WDR26: variants seen among roughly 807,000 people sequenced by gnomAD.
WDR26 encodes WD repeat domain 26.
A neutral mutation model predicts 84.1 loss-of-function variants in WDR26; 5 were observed. The observed-to-expected ratio is 0.06, with a 90% CI of 0.03 to 0.13. The LOEUF is 0.13. Among genes scored for constraint, WDR26 ranks in the 10% least tolerant of loss-of-function variants. The pLI is 1.00. For missense variants in WDR26, 642 were observed against 974.9 expected, an observed-to-expected ratio of 0.66 and a Z score of 4.55; for synonymous variants, 415 against 389.6, an observed-to-expected ratio of 1.07 and a Z score of -0.77.
At chr1:224,431,294 CTAAG>C (rs1184664749) in intron 3 of WDR26, 179 bp downstream of exon 3, 1 of 526,426 alleles carries the variant, frequency 1.9e-6, no homozygotes. Context: ...GACACATTTA[CTAAG>C]TATGATTTTA....
intron 7 of WDR26, among the ~76,000 whole-genome samples, chr1:224,410,663 G>A (rs2102904444): frequency 6.6e-6 from 1 of 151,238 alleles, no homozygotes; most frequent in South Asian, 2.1e-4. Flanking sequence ...TTGTGGTTGG[G>A]ACAGAATGGA....
At chr1:224,423,780 A>G (rs1290146299) in intron 4 of WDR26, among the ~76,000 whole-genome samples, 2 of 152,204 alleles carry the variant, frequency 1.3e-5, no homozygotes, top group East Asian at 3.8e-4. Flanking sequence ...ATGCCAGTAG[A>G]TATACATATT....
chr1:224,414,169 G>A (rs905601531), intron 6 of WDR26, among the ~76,000 whole-genome samples: 4 of 149,456 alleles, frequency 2.7e-5, no homozygotes, highest in East Asian at 2.0e-4. Flanking sequence ...GCAGTGGCAC[G>A]ATCTCGGCTC....
chr1:224,399,972 T>C (rs558007117), intron 9 of WDR26, among the ~76,000 whole-genome samples: 4 of 152,140 alleles, frequency 2.6e-5, no homozygotes, highest in South Asian at 4.1e-4. Context: ...AGACCCTGTC[T>C]CTTAAAAAAC....
chr1:224,431,361 A>G (rs1674389065), intron 3 of WDR26, 116 bp downstream of exon 3: 1 of 817,236 alleles, frequency 1.2e-6, no homozygotes, highest in Non-Finnish European at 2.0e-6. Flanking sequence ...TTTACAAATT[A>G]TATGAAATTT....
intron 7 of WDR26, among the ~76,000 whole-genome samples, chr1:224,410,213 G>A (rs1181487429): frequency 2.5e-4 from 37 of 148,964 alleles, no homozygotes; most frequent in African/African-American, 9.1e-4. Context: ...CCCAGGAGGT[G>A]GAGGTTGCAG....
At chr1:224,430,973 T>G (rs1459994866) in intron 3 of WDR26, 3 of 153,998 alleles carry the variant, frequency 1.9e-5, no homozygotes, top group Non-Finnish European at 2.9e-5. Flanking sequence ...TATACAAACT[T>G]TGACACTGTC....
chr1:224,420,000 A>AG, intron 4 of WDR26, among the ~76,000 whole-genome samples: 1 of 152,350 alleles, frequency 6.6e-6, no homozygotes, highest in South Asian at 2.1e-4. Flanking sequence ...TAACTGGCCT[A>AG]GGGTTAAGAG....
Position 224,434,250 on chromosome 1 carries a change from G to A in WDR26, c.156C>T (p.Ser52=), listed in dbSNP as rs918812797. Residue 52 remains serine (S), a synonymous_variant, in exon 1 of 14, where the codon TCC becomes TCT. Coordinates refer to ENST00000414423, the MANE Select transcript of WDR26 (RefSeq NM_001379403.1). The stretch of plus-strand genomic sequence containing the variant: ...AGGACGAGGACGACGAGGACGGAGG[G>A]GAGAGGCCTGCTCTGCCTGCCGAAG... 2.5e-5 allele frequency: 34 copies of A among 1,364,752 alleles called. No individual in the cohort carries two copies. Among genetic ancestry groups the A allele is most frequent in the South Asian group, 3.9e-5 (2 of 51,870 alleles). The allele number at this position is 1,364,752 out of a possible 1,614,324, so 84.5% of individuals were successfully genotyped here. A position where few individuals can be genotyped will look rare whatever the true frequency, so the allele number is the denominator to read the frequency against.
At chr1:224,391,385 A>AAAAAAAAAAC (rs1558412387) in intron 13 of WDR26, among the ~76,000 whole-genome samples, 77 of 45,836 alleles carry the variant, frequency 1.7e-3, no homozygotes, top group Non-Finnish European at 2.2e-3. Flanking sequence ...AAAAAAAAAC[A>AAAAAAAAAAC]AAAAAAAAAC....
At chr1:224,391,099 T>A (rs181996303) in intron 13 of WDR26, among the ~76,000 whole-genome samples, 13 of 151,714 alleles carry the variant, frequency 8.6e-5, no homozygotes, top group African/African-American at 3.1e-4. Flanking sequence ...AAAAAAAATA[T>A]CATGCCTGTA....
intron 13 of WDR26, among the ~76,000 whole-genome samples, chr1:224,390,694 C>A (rs962332627): frequency 2.6e-5 from 4 of 152,022 alleles, no homozygotes; most frequent in South Asian, 4.2e-4. Flanking sequence ...ACTTTGAACC[C>A]GGGAGGCGGA....
intron 7 of WDR26, among the ~76,000 whole-genome samples, chr1:224,405,239 T>C (rs548370299): frequency 6.6e-6 from 1 of 152,224 alleles, no homozygotes; most frequent in Non-Finnish European, 1.5e-5. Flanking sequence ...GGTTCATCCG[T>C]GTTATAGAAT....
chr1:224,433,734 A>G lies in WDR26; in HGVS notation c.672T>C (p.Asp224=). ...GTCCTATTAGCCTAATGACATCCTC[A>G]TCTGACTGGGAGAGCCGCTTCTTCT... Residue 224 remains aspartate, a synonymous_variant, in exon 1 of 14, where the codon GAT becomes GAC. Transcript: ENST00000414423. 1 of 1,535,632 alleles carries G rather than the reference A, an allele frequency of 6.5e-7. No homozygotes were observed. The highest frequency in any genetic ancestry group is 8.7e-7 in the Non-Finnish European group (1 of 1,146,030).
Position 224,419,504 on chromosome 1 carries a change from A to AC in WDR26, c.1162+13_1162+14insG, listed in dbSNP as rs775157645. 3 of 1,600,104 alleles carry AC rather than the reference A, an allele frequency of 1.9e-6. No homozygotes were observed. In the South Asian group the frequency reaches 3.3e-5, roughly 18 times the overall value. ...AAGAGAAAACACAGCAACATAAAAA[A>AC]TTAAGACTCTTACTCTGAAGTTTAT... is the stretch of plus-strand genomic sequence containing the variant. On this transcript the variant is annotated intron_variant, in intron 5 of 13. Transcript: ENST00000414423.
intron 1 of WDR26, among the ~76,000 whole-genome samples, chr1:224,433,098 A>T (rs774322150): frequency 1.4e-4 from 21 of 152,166 alleles, no homozygotes; most frequent in Non-Finnish European, 2.6e-4. Context: ...CTGTATCTTC[A>T]TTATTCGCAT....
intron 12 of WDR26, 186 bp downstream of exon 12, chr1:224,397,911 A>G: frequency 1.5e-6 from 1 of 647,610 alleles, no homozygotes; most frequent in Admixed American, 3.5e-5. Flanking sequence ...AATACATGAC[A>G]GCATGTGACA....
chr1:224,389,885 A>AG, intron 13 of WDR26, 25 bp from the exon 14 acceptor site: 1 of 210,520 alleles, frequency 4.8e-6, no homozygotes, highest in Non-Finnish European at 8.6e-6. Context: ...GATGAAATGT[A>AG]TGGGGGGCGG....
At chr1:224,406,032 G>A (rs890982539) in intron 7 of WDR26, among the ~76,000 whole-genome samples, 4 of 152,106 alleles carry the variant, frequency 2.6e-5, no homozygotes, top group East Asian at 1.9e-4. Context: ...AGGCCCTAAC[G>A]TAAGATGTTA....
Sources: gnomAD v4.1 joint callset for allele counts (sites outside exome capture counted in the v4.1 genomes callset) on GRCh38, gnomAD v4.1.1 for gene constraint, MANE v1.5 for transcripts, NCBI Gene and HGNC (gene_info 2026-07-23, HGNC 2026-07-21) for gene names.